MMP2: variants seen among roughly 807,000 people sequenced by gnomAD.
MMP2 encodes matrix metallopeptidase 2.
Under a neutral mutation model 74.8 loss-of-function variants are expected in MMP2, and 39 were observed. The ratio of observed to expected loss-of-function variants is 0.52; its 90% confidence interval spans 0.40 to 0.68. The LOEUF is 0.68. Ranked by LOEUF, MMP2 falls within the 30% of genes least tolerant of loss-of-function variation. MMP2 has a pLI of 0.00. For missense variants in MMP2, 803 were observed against 878.3 expected (o/e 0.91, Z 1.08); for synonymous variants, 367 against 339.8 (o/e 1.08, Z -0.88).
chr16:55,495,058 G>C (rs1407734411), intron 9 of MMP2, among the ~76,000 whole-genome samples: 1 of 152,208 alleles, frequency 6.6e-6, no homozygotes, highest in East Asian at 1.9e-4. Flanking sequence ...GGGTGCAGAT[G>C]CCTTGCCCTT....
Position 55,505,377 on chromosome 16 carries a change from C to G in MMP2, c.1918C>G (p.Leu640Val), listed in dbSNP as rs758516313. The G allele has an allele frequency of 6.2e-7, 1 of 1,614,154 alleles. No homozygotes were observed. The highest frequency in any genetic ancestry group is 8.5e-7 in the Non-Finnish European group (1 of 1,180,026). Reference protein sequence around the residue: ...YFFKGAYYLKLENQSLKSVKF... With the variant: ...YFFKGAYYLKVENQSLKSVKF... ...CTTCAAGGGTGCCTATTACCTGAAG[C>G]TGGAGAACCAAAGTCTGAAGAGCGT... Residue 640 changes from leucine to valine, a missense_variant, in exon 13 of 13, where the codon CTG becomes GTG. Physicochemically the swap from Leu to Val is conservative, Grantham distance 32. Around this residue, in one of 3 missense-constraint regions of MMP2, gnomAD observed 555 missense variants for 592.0 expected, o/e 0.94. Coordinates refer to ENST00000219070, the MANE Select transcript of MMP2 (RefSeq NM_004530.6).
At chr16:55,493,323 C>T in intron 9 of MMP2, 30 bp downstream of exon 9, 1 of 1,613,796 alleles carries the variant, frequency 6.2e-7, no homozygotes. Flanking sequence ...TCTTGTCCTC[C>T]TTGTCTCCTG....
intron 2 of MMP2, 22 bp from the exon 3 acceptor site, chr16:55,483,994 C>T (rs1385025435): frequency 1.2e-6 from 2 of 1,613,082 alleles, no homozygotes; most frequent in African/African-American, 1.3e-5. Context: ...TACACACTCA[C>T]ATGCAGTTCT....
chr16:55,498,581 C>G (rs1962590358), intron 11 of MMP2, 133 bp downstream of exon 11: 1 of 1,142,222 alleles, frequency 8.8e-7, no homozygotes, highest in African/African-American at 1.5e-5. Context: ...TGGTATCTAA[C>G]CTCTTTGGTC....
chr16:55,495,406 T>C (rs1428869520), intron 9 of MMP2, among the ~76,000 whole-genome samples: 1 of 152,210 alleles, frequency 6.6e-6, no homozygotes, highest in Non-Finnish European at 1.5e-5. Context: ...ATGGGTTTAT[T>C]TGATTAACCA....
At chr16:55,481,767 G>A in intron 1 of MMP2, 1 of 711,068 alleles carries the variant, frequency 1.4e-6, no homozygotes, top group Non-Finnish European at 2.6e-6. Context: ...CAACCAGCTG[G>A]CCTAGTGATG....
chr16:55,485,791 C>G lies in MMP2; in HGVS notation c.832+14C>G. 1.9e-6 allele frequency: 3 copies of G among 1,611,858 alleles called. No individual in the cohort carries two copies. Among genetic ancestry groups the G allele is most frequent in the Non-Finnish European group, 1.7e-6 (2 of 1,179,950 alleles). ...GTCCCCATGAAGGTGAGCATCCACTCTAGTCCCCAAGACTTTCCACCCCAA... is the reference window on the plus strand; with the variant it reads ...GTCCCCATGAAGGTGAGCATCCACTGTAGTCCCCAAGACTTTCCACCCCAA... On this transcript the variant is annotated intron_variant, in intron 5 of 12. Coordinates refer to ENST00000219070, the MANE Select transcript of MMP2 (RefSeq NM_004530.6).
chr16:55,485,455 A>G, intron 4 of MMP2, 28 bp downstream of exon 4: 1 of 1,614,080 alleles, frequency 6.2e-7, no homozygotes, highest in Non-Finnish European at 8.5e-7. Flanking sequence ...TGCATGCCCC[A>G]GACCTTCTCT....
rs751256218 is a variant in MMP2 at position 55,484,136 on chromosome 16, A to G, written c.501A>G (p.Ala167=). The G allele has an allele frequency of 1.3e-5, 21 of 1,614,082 alleles. No homozygotes were observed. In the Admixed American group the frequency reaches 1.8e-4, roughly 14 times the overall value. ...TTTCTCGAATCCATGATGGAGAGGC[A>G]GACATCATGATCAACTTTGGCCGCT... ...LRFSRIHDGE[A]DIMINFGRWE... The change falls in exon 3 of 13, where the codon GCA becomes GCG. Residue 167 remains alanine, a synonymous_variant. Transcript: ENST00000219070.
chr16:55,493,537 G>A (rs2142361771), intron 9 of MMP2, among the ~76,000 whole-genome samples: 1 of 152,302 alleles, frequency 6.6e-6, no homozygotes, highest in South Asian at 2.1e-4. Flanking sequence ...TACAGTTTGG[G>A]TTCAGGTGTG....
intron 5 of MMP2, among the ~76,000 whole-genome samples, 186 bp downstream of exon 5, chr16:55,485,963 C>A (rs1249178322): frequency 6.6e-6 from 1 of 152,180 alleles, no homozygotes; most frequent in Admixed American, 6.5e-5. Flanking sequence ...TCTCTCCCAC[C>A]AGTACCATGA....
At chr16:55,501,580 T>G (rs1435223296) in intron 11 of MMP2, among the ~76,000 whole-genome samples, 2 of 152,178 alleles carry the variant, frequency 1.3e-5, no homozygotes, top group African/African-American at 4.8e-5. Context: ...TGAGGAAGCA[T>G]GCCAGGTTTT....
At position 55,488,715 on chromosome 16, in the gene MMP2, C is replaced by G; in HGVS notation, c.1005C>G (p.Thr335=). The G allele has an allele frequency of 1.9e-6, 3 of 1,593,776 alleles. No individual in the cohort carries two copies. Among genetic ancestry groups the G allele is most frequent in the African/African-American group, 1.3e-5 (1 of 74,330 alleles). ...AGAAGTATGGCTTCTGCCCTGAGAC[C>G]GGTGGGTGCCACTCCCTCTCCCTCC... The part of the protein sequence containing the change: ...RDKKYGFCPE[T]AMSTVGGNSE... The change falls in exon 6 of 13, where the codon ACC becomes ACG. Residue 335 remains threonine (T), a splice_region_variant and synonymous_variant. Transcript: ENST00000219070.
intron 1 of MMP2, chr16:55,481,762 A>G: frequency 1.4e-6 from 1 of 706,128 alleles, no homozygotes; most frequent in Non-Finnish European, 2.6e-6. Context: ...TGAACCAACC[A>G]GCTGGCCTAG....
chr16:55,504,170 T>C (rs1962738566), intron 12 of MMP2, among the ~76,000 whole-genome samples: 1 of 151,942 alleles, frequency 6.6e-6, no homozygotes. Flanking sequence ...AAAAAAAGAA[T>C]GGGGCCTGGT....
chr16:55,499,610 G>A (rs1310998448), intron 11 of MMP2, among the ~76,000 whole-genome samples: 1 of 152,196 alleles, frequency 6.6e-6, no homozygotes, highest in African/African-American at 2.4e-5. Flanking sequence ...GGAGTGGCTG[G>A]TGAGAGGTAG....
intron 11 of MMP2, among the ~76,000 whole-genome samples, chr16:55,499,030 A>G (rs1332395023): frequency 1.3e-5 from 2 of 152,086 alleles, no homozygotes; most frequent in African/African-American, 4.8e-5. Context: ...TTAGCTGGAC[A>G]TGGTGGTGCA....
In MMP2 at chr16:55,479,512, G is replaced by T; in HGVS notation, c.33G>T (p.Thr11=). The part of the protein sequence containing the change: MEALMARGAL[T]GPLRALCLLG... ...CGCTAATGGCCCGGGGCGCGCTCAC[G>T]GGTCCCCTGAGGGCGCTCTGTCTCC... Residue 11 remains threonine, a synonymous_variant, in exon 1 of 13, where the codon ACG becomes ACT. Transcript: ENST00000219070. The T allele has an allele frequency of 3.1e-6, 5 of 1,599,516 alleles. No homozygotes were observed. Among genetic ancestry groups the T allele is most frequent in the Non-Finnish European group, 8.5e-7 (1 of 1,173,532 alleles).
rs1962181125 is a variant in MMP2, at chr16:55,484,163, G to A, written c.528G>A (p.Trp176Ter). The change falls in exon 3 of 13, where the codon TGG becomes TGA. Residue 176 changes from tryptophan to a stop codon, truncating the protein, a stop_gained and splice_region_variant. Coordinates refer to ENST00000219070, the MANE Select transcript of MMP2 (RefSeq NM_004530.6). LOFTEE classifies it high-confidence loss of function. ...EADIMINFGRWEHGDGYPFDG... is the reference protein window; with the variant it reads ...EADIMINFGR Reference sequence around the variant, plus strand: ...ACATCATGATCAACTTTGGCCGCTGGGGTAGGCAGAAGATGGGGCAGAAGA... The same window carrying A: ...ACATCATGATCAACTTTGGCCGCTGAGGTAGGCAGAAGATGGGGCAGAAGA... 1 of 1,614,036 alleles carries A rather than the reference G, an allele frequency of 6.2e-7. No homozygotes were observed. The highest frequency in any genetic ancestry group is 8.5e-7 in the Non-Finnish European group (1 of 1,180,000).
Sources: gnomAD v4.1 joint callset for allele counts (sites outside exome capture counted in the v4.1 genomes callset) on GRCh38, gnomAD v4.1.1 for gene constraint, gnomAD v4.1.1 regional missense constraint, MANE v1.5 for transcripts, NCBI Gene and HGNC (gene_info 2026-07-23, HGNC 2026-07-21) for gene names.